Variants in CDH18 observed in about 807,000 individuals in gnomAD.
CDH18 encodes the protein cadherin-18.
In CDH18, 31 loss-of-function variants were observed where a neutral mutation model predicts 67.9. The observed-to-expected ratio is 0.46, with a 90% CI of 0.34 to 0.62. The LOEUF is 0.62. CDH18 is among the 20% of genes least tolerant of loss of function. The pLI, the probability that CDH18 is intolerant of heterozygous loss-of-function variation, is 0.01. For missense variants in CDH18, 890 were observed against 975.5 expected (o/e 0.91, Z 1.17); for synonymous variants, 362 against 347.2 (o/e 1.04, Z -0.48).
At chr5:20,102,588 A>G (rs184824272) in intron 2 of CDH18, among the ~76,000 whole-genome samples, 78 of 152,330 alleles carry the variant, frequency 5.1e-4, no homozygotes, top group African/African-American at 1.7e-3. Context: ...TGTGTCAGCA[A>G]CTGCGCAGAA....
In CDH18 at chr5:19,975,417, G is replaced by A. The variant is rs1247024086; in HGVS notation, c.-257+5643C>T. Among the ~76,000 whole-genome samples, 4 of 152,064 alleles carry A rather than the reference G, an allele frequency of 2.6e-5. No individual in the cohort carries two copies. The East Asian group carries it at 7.7e-4, about 29-fold the overall frequency. ...GTGCTAGATGAAAAATAAGTATGAAGAAAAGTAAATGATGAGGTTTGTAGG... is the reference window on the plus strand; with the variant it reads ...GTGCTAGATGAAAAATAAGTATGAAAAAAAGTAAATGATGAGGTTTGTAGG... On this transcript the variant is annotated intron_variant, in intron 2 of 12. Coordinates refer to ENST00000382275, the MANE Select transcript of CDH18 (RefSeq NM_004934.5).
chr5:20,036,035 A>T (rs1739830881), intron 2 of CDH18, among the ~76,000 whole-genome samples: 1 of 152,038 alleles, frequency 6.6e-6, no homozygotes, highest in Non-Finnish European at 1.5e-5. Context: ...ATAATAAGTC[A>T]ATACTCACAA....
At chr5:19,662,971 A>G (rs1249188366) in intron 5 of CDH18, among the ~76,000 whole-genome samples, 1 of 152,012 alleles carries the variant, frequency 6.6e-6, no homozygotes, top group Non-Finnish European at 1.5e-5. Context: ...AGGAGAATAA[A>G]TATGCCCGCT....
intron 2 of CDH18, among the ~76,000 whole-genome samples, chr5:20,229,434 C>A (rs1267728799): frequency 6.6e-6 from 1 of 151,988 alleles, no homozygotes; most frequent in African/African-American, 2.4e-5. Context: ...GGAAAATGTG[C>A]TCCCAGGGTC....
chr5:20,059,094 T>C (rs953655332), intron 2 of CDH18, among the ~76,000 whole-genome samples: 14 of 152,192 alleles, frequency 9.2e-5, no homozygotes, highest in Non-Finnish European at 5.9e-5. Flanking sequence ...CCATTTCTTC[T>C]AGATTTTCCA....
chr5:20,358,101 G>A (rs772184389), intron 1 of CDH18, among the ~76,000 whole-genome samples: 13 of 152,132 alleles, frequency 8.5e-5, no homozygotes, highest in Middle Eastern at 3.4e-3. Flanking sequence ...AACATTAAGC[G>A]TACACATTGA....
chr5:19,532,610 T>C (rs1231039274), intron 9 of CDH18, among the ~76,000 whole-genome samples: 1 of 152,118 alleles, frequency 6.6e-6, no homozygotes, highest in Non-Finnish European at 1.5e-5. Flanking sequence ...AAAAGGAACA[T>C]TATGACAGCT....
chr5:20,355,583 G>C (rs1164852201), intron 1 of CDH18, among the ~76,000 whole-genome samples: 1 of 152,124 alleles, frequency 6.6e-6, no homozygotes, highest in Non-Finnish European at 1.5e-5. Context: ...AGTGTATATT[G>C]CTCATTAATT....
chr5:19,640,789 G>C (rs1753885950), intron 5 of CDH18, among the ~76,000 whole-genome samples: 1 of 151,870 alleles, frequency 6.6e-6, no homozygotes, highest in African/African-American at 2.4e-5. Flanking sequence ...AGAAACTAGA[G>C]AGAGTAAAAC....
chr5:20,518,889 A>T (rs1385572854), intron 1 of CDH18, among the ~76,000 whole-genome samples: 1 of 152,232 alleles, frequency 6.6e-6, no homozygotes, highest in Non-Finnish European at 1.5e-5. Context: ...ATAGTTAAGG[A>T]TAACTTACAA....
At chr5:19,535,398 A>T (rs745556512) in intron 9 of CDH18, among the ~76,000 whole-genome samples, 1 of 152,216 alleles carries the variant, frequency 6.6e-6, no homozygotes, top group East Asian at 1.9e-4. Context: ...GACAAATTGC[A>T]TACATCAAAA....
At chr5:20,446,288 C>A (rs1256875638) in intron 1 of CDH18, among the ~76,000 whole-genome samples, 1 of 152,106 alleles carries the variant, frequency 6.6e-6, no homozygotes, top group East Asian at 1.9e-4. Flanking sequence ...TCAGGGCAGT[C>A]TTGGGGTTGA....
At chr5:20,160,144 A>C (rs1751859905) in intron 2 of CDH18, among the ~76,000 whole-genome samples, 1 of 152,232 alleles carries the variant, frequency 6.6e-6, no homozygotes, top group Non-Finnish European at 1.5e-5. Context: ...TCAGGACTGC[A>C]TAGTCCTAAC....
At chr5:20,281,244 G>A (rs1305768650) in intron 1 of CDH18, among the ~76,000 whole-genome samples, 1 of 152,118 alleles carries the variant, frequency 6.6e-6, no homozygotes, top group East Asian at 1.9e-4. Context: ...GGCTTTTGTT[G>A]CCATTGCTTT....
chr5:20,179,084 C>T (rs559495394), intron 2 of CDH18, among the ~76,000 whole-genome samples: 17 of 151,780 alleles, frequency 1.1e-4, no homozygotes, highest in South Asian at 2.1e-4. Context: ...TTTAAGTCAT[C>T]GTGAAGAGGT....
chr5:19,875,740 AGT>A (rs1422570255), intron 2 of CDH18, among the ~76,000 whole-genome samples: 4 of 151,942 alleles, frequency 2.6e-5, no homozygotes, highest in Non-Finnish European at 4.4e-5. Flanking sequence ...AATTTTTATC[AGT>A]GTTTTATTCA....
At chr5:20,029,272 A>G (rs1459577647) in intron 2 of CDH18, among the ~76,000 whole-genome samples, 1 of 152,196 alleles carries the variant, frequency 6.6e-6, no homozygotes, top group Admixed American at 6.5e-5. Context: ...CAAAGTTCAA[A>G]GAGATTCTTC....
chr5:19,881,980 C>T (rs1787709540), intron 2 of CDH18, among the ~76,000 whole-genome samples: 1 of 152,026 alleles, frequency 6.6e-6, no homozygotes, highest in African/African-American at 2.4e-5. Flanking sequence ...GGTATACCTC[C>T]ACTAATTGTA....
intron 3 of CDH18, among the ~76,000 whole-genome samples, chr5:19,813,650 T>C (rs1277551704): frequency 6.6e-6 from 1 of 152,106 alleles, no homozygotes; most frequent in African/African-American, 2.4e-5. Context: ...TACAAGAATA[T>C]TGACACTTGT....
Sources: gnomAD v4.1 joint callset for allele counts (sites outside exome capture counted in the v4.1 genomes callset) on GRCh38, gnomAD v4.1.1 for gene constraint, MANE v1.5 for transcripts, NCBI Gene and HGNC (gene_info 2026-07-23, HGNC 2026-07-21) for gene names.